The following CNTNAP4 variants were observed in gnomAD, a reference collection of about 807,000 sequenced individuals.
CNTNAP4 encodes the protein contactin-associated protein-like 4.
In CNTNAP4, 98 loss-of-function variants were observed where a neutral mutation model predicts 148.4. That is an observed-to-expected ratio of 0.66 (90% CI 0.56 to 0.78). The LOEUF is 0.78. Ranked by LOEUF, CNTNAP4 falls within the 30% of genes least tolerant of loss-of-function variation. The pLI is 0.00. For missense variants in CNTNAP4, 1,935 were observed against 1,565.6 expected (o/e 1.24, Z -3.98); for synonymous variants, 730 against 565.1 (o/e 1.29, Z -4.14).
intron 1 of CNTNAP4, among the ~76,000 whole-genome samples, chr16:76,299,873 T>A (rs2143918929): frequency 6.6e-6 from 1 of 152,200 alleles, no homozygotes; most frequent in African/African-American, 2.4e-5. Context: ...GAAACCATCA[T>A]TATCAGCAAA....
chr16:76,298,917 C>G (rs187380650), intron 1 of CNTNAP4, among the ~76,000 whole-genome samples: 4 of 152,114 alleles, frequency 2.6e-5, no homozygotes, highest in Non-Finnish European at 5.9e-5. Context: ...ATCAGTTCCT[C>G]TTTAATGATT....
At chr16:76,477,200 G>T (rs568177852) in intron 11 of CNTNAP4, among the ~76,000 whole-genome samples, 1 of 152,028 alleles carries the variant, frequency 6.6e-6, no homozygotes, top group Non-Finnish European at 1.5e-5. Context: ...CCTTTTTCCT[G>T]TATTACAAAT....
At chr16:76,495,155 C>A in intron 14 of CNTNAP4, 89 bp downstream of exon 14, 2 of 1,309,466 alleles carry the variant, frequency 1.5e-6, no homozygotes, top group South Asian at 1.3e-5. Context: ...AGATACTGAA[C>A]AAGTTAGTGC....
At chr16:76,431,729 T>G (rs2079613805) in intron 4 of CNTNAP4, among the ~76,000 whole-genome samples, 1 of 152,156 alleles carries the variant, frequency 6.6e-6, no homozygotes, top group Admixed American at 6.6e-5. Context: ...GGATATTGAA[T>G]CAAGATATCT....
chr16:76,358,632 G>A (rs2013012500), intron 3 of CNTNAP4, among the ~76,000 whole-genome samples: 1 of 152,186 alleles, frequency 6.6e-6, no homozygotes, highest in African/African-American at 2.4e-5. Context: ...GGTTTCCTGT[G>A]TAATAACTAG....
intron 13 of CNTNAP4, among the ~76,000 whole-genome samples, chr16:76,491,352 T>C (rs12447521): frequency 0.2 from 30,366 of 152,150 alleles, 3,277 homozygotes; most frequent in Admixed American, 0.32. Context: ...ATCTAGAACA[T>C]AGATAGATGA....
chr16:76,362,023 T>C (rs2013499522), intron 3 of CNTNAP4, among the ~76,000 whole-genome samples: 1 of 151,940 alleles, frequency 6.6e-6, no homozygotes, highest in Non-Finnish European at 1.5e-5. Context: ...TCAGGTTTTT[T>C]CCCCTTTTTA....
intron 2 of CNTNAP4, among the ~76,000 whole-genome samples, chr16:76,334,812 A>C (rs752655325): frequency 6.6e-6 from 1 of 152,064 alleles, no homozygotes; most frequent in Admixed American, 6.6e-5. Context: ...GCTTTATTCA[A>C]TATGAGAGCT....
intron 2 of CNTNAP4, among the ~76,000 whole-genome samples, chr16:76,347,138 TGTG>T (rs1000834907): frequency 1.1e-4 from 2 of 17,628 alleles, no homozygotes; most frequent in Admixed American, 1.6e-3. Flanking sequence ...GGCAATTGGT[TGTG>T]TGTGTGTGTG....
chr16:76,350,949 C>A (rs2011647182), intron 2 of CNTNAP4, among the ~76,000 whole-genome samples: 1 of 152,000 alleles, frequency 6.6e-6, no homozygotes, highest in Non-Finnish European at 1.5e-5. Context: ...TAAAGGAAAC[C>A]TGCAGTATGG....
chr16:76,516,765 T>C (rs1401591471), intron 15 of CNTNAP4, among the ~76,000 whole-genome samples: 1 of 152,174 alleles, frequency 6.6e-6, no homozygotes, highest in East Asian at 1.9e-4. Context: ...TGAGTAAATC[T>C]TCAAAGAGTA....
At chr16:76,339,814 A>T (rs998858043) in intron 2 of CNTNAP4, among the ~76,000 whole-genome samples, 1 of 152,340 alleles carries the variant, frequency 6.6e-6, no homozygotes, top group South Asian at 2.1e-4. Flanking sequence ...GTTCCATTCA[A>T]ATATGTCCAT....
intron 1 of CNTNAP4, among the ~76,000 whole-genome samples, chr16:76,307,074 TAAC>T (rs1015605202): frequency 6.6e-6 from 1 of 152,006 alleles, no homozygotes; most frequent in Admixed American, 6.6e-5. Context: ...AGCCTAACAA[TAAC>T]AAAAGTACTT....
chr16:76,543,006 A>T (rs1292279484), intron 21 of CNTNAP4, among the ~76,000 whole-genome samples: 1 of 152,254 alleles, frequency 6.6e-6, no homozygotes. Context: ...CATTCACTAT[A>T]TAAGTCCTCA....
intron 12 of CNTNAP4, among the ~76,000 whole-genome samples, chr16:76,487,149 T>C (rs1287271780): frequency 6.6e-6 from 1 of 152,186 alleles, no homozygotes; most frequent in African/African-American, 2.4e-5. Context: ...CTACAATGTA[T>C]AGAATTATAT....
rs1340168864 is a variant in CNTNAP4, at chr16:76,427,467, G to A, written c.406G>A (p.Ala136Thr). ...EDSIWGFSGN[A>T]NADSVVYYRL... Reference sequence around the variant, plus strand: ...TTTCTTTTAGGGTTTTTCAGGAAATGCAAATGCAGACAGTGTTGTGTACTA... The same window carrying A: ...TTTCTTTTAGGGTTTTTCAGGAAATACAAATGCAGACAGTGTTGTGTACTA... Residue 136 changes from alanine (A) to threonine (T), a missense_variant, in exon 4 of 24, where the codon GCA (alanine) becomes ACA (threonine). By Grantham distance (58) the Ala-to-Thr change is moderately conservative. Transcript: ENST00000611870. The A allele has an allele frequency of 6.2e-7, 1 of 1,604,312 alleles. No individual in the cohort carries two copies. Among genetic ancestry groups the A allele is most frequent in the Non-Finnish European group, 8.5e-7 (1 of 1,176,400 alleles).
intron 3 of CNTNAP4, among the ~76,000 whole-genome samples, chr16:76,417,589 A>G (rs1373641112): frequency 6.6e-6 from 1 of 151,628 alleles, no homozygotes; most frequent in Non-Finnish European, 1.5e-5. Context: ...ATAAGCACCC[A>G]ATGCATGATT....
intron 2 of CNTNAP4, among the ~76,000 whole-genome samples, chr16:76,330,580 A>C (rs1963414600): frequency 6.6e-6 from 1 of 152,182 alleles, no homozygotes; most frequent in Non-Finnish European, 1.5e-5. Context: ...AAGGTGTAAA[A>C]ATTCACAAAC....
intron 3 of CNTNAP4, among the ~76,000 whole-genome samples, chr16:76,360,927 C>T (rs1406364276): frequency 6.6e-6 from 1 of 151,540 alleles, no homozygotes; most frequent in African/African-American, 2.4e-5. Context: ...CACCATTCTC[C>T]TGCCTCAGCC....
Sources: allele counts gnomAD v4.1 joint callset (sites outside exome capture counted in the v4.1 genomes callset), GRCh38; gene constraint gnomAD v4.1.1; transcripts MANE v1.5; gene names NCBI Gene and HGNC (gene_info 2026-07-23, HGNC 2026-07-21).